The following MYT1L variants were observed in gnomAD, a reference collection of about 807,000 sequenced individuals.
MYT1L encodes the protein myelin transcription factor 1 like, also known as myelin transcription factor 1-like protein.
A neutral mutation model predicts 126.7 loss-of-function variants in MYT1L; 12 were observed. The ratio of observed to expected loss-of-function variants is 0.09; its 90% CI spans 0.06 to 0.15. The LOEUF (loss-of-function observed/expected upper bound fraction) is 0.15. Ranked by LOEUF, MYT1L falls within the 10% of genes least tolerant of loss-of-function variation. MYT1L has a pLI of 1.00. For synonymous variants in MYT1L, 541 were observed against 604.2 expected (o/e 0.90, Z 1.53); for missense variants, 979 against 1,585.2 (o/e 0.62, Z 6.49).
At chr2:1,921,804 G>GA (rs764355202) in intron 10 of MYT1L, among the ~76,000 whole-genome samples, 12 of 152,212 alleles carry the variant, frequency 7.9e-5, no homozygotes, top group Non-Finnish European at 1.3e-4. Flanking sequence ...TGTTTTCTAC[G>GA]AGGGCAGTTT....
At chr2:2,243,577 A>T (rs2094476821) in intron 2 of MYT1L, among the ~76,000 whole-genome samples, 1 of 152,170 alleles carries the variant, frequency 6.6e-6, no homozygotes, top group South Asian at 2.1e-4. Flanking sequence ...TAGACTTTTG[A>T]CCTTGCATGT....
At chr2:1,944,652 A>G (rs1273464247) in intron 8 of MYT1L, among the ~76,000 whole-genome samples, 1 of 151,898 alleles carries the variant, frequency 6.6e-6, no homozygotes, top group African/African-American at 2.4e-5. Flanking sequence ...TATTTGGGCA[A>G]CTCCTCTATT....
At chr2:2,144,922 T>C (rs2084648081) in intron 3 of MYT1L, among the ~76,000 whole-genome samples, 1 of 152,238 alleles carries the variant, frequency 6.6e-6, no homozygotes, top group South Asian at 2.1e-4. Flanking sequence ...TATATCATTA[T>C]TCTTATAAAT....
At chr2:2,317,418 C>T (rs1462966318) in intron 1 of MYT1L, among the ~76,000 whole-genome samples, 2 of 151,896 alleles carry the variant, frequency 1.3e-5, no homozygotes, top group African/African-American at 4.8e-5. Context: ...AACTGGGACT[C>T]CCTCACTTTA....
intron 13 of MYT1L, among the ~76,000 whole-genome samples, chr2:1,906,849 A>G (rs2051121938): frequency 6.6e-6 from 1 of 151,938 alleles, no homozygotes; most frequent in Non-Finnish European, 1.5e-5. Flanking sequence ...AGGCTGAGCC[A>G]GGAGGATCAC....
rs567779792 is a variant in MYT1L, at chr2:2,230,391, G to A, written c.-421+54013C>T. ...ATTTCTGAAAGTAATTCATTAGGAT[G>A]TATGCTAAGTAATATGTGACGCCTG... On this transcript the variant is annotated intron_variant, in intron 2 of 24. Coordinates refer to ENST00000647738, the MANE Select transcript of MYT1L (RefSeq NM_001303052.2). Among the ~76,000 whole-genome samples the A allele has an allele frequency of 2.0e-5, 3 of 152,322 alleles. No individual in the cohort carries two copies. The South Asian group carries it at 6.2e-4, about 32-fold the overall frequency.
At chr2:2,297,662 C>A (rs907300294) in intron 1 of MYT1L, among the ~76,000 whole-genome samples, 1 of 152,190 alleles carries the variant, frequency 6.6e-6, no homozygotes, top group African/African-American at 2.4e-5. Flanking sequence ...CAAAGGCATT[C>A]ACTCCAGAAG....
chr2:2,195,484 A>C (rs901290659), intron 2 of MYT1L, among the ~76,000 whole-genome samples: 2 of 152,204 alleles, frequency 1.3e-5, no homozygotes, highest in Non-Finnish European at 2.9e-5. Flanking sequence ...AAGATAATAT[A>C]ATACAGAGGC....
chr2:2,165,580 T>C (rs2088926346), intron 3 of MYT1L, among the ~76,000 whole-genome samples: 2 of 152,212 alleles, frequency 1.3e-5, no homozygotes, highest in Non-Finnish European at 2.9e-5. Context: ...ACTGTCCATA[T>C]GTCCTTTATA....
chr2:2,077,533 C>A (rs1190465164), intron 3 of MYT1L, among the ~76,000 whole-genome samples: 1 of 152,018 alleles, frequency 6.6e-6, no homozygotes, highest in Non-Finnish European at 1.5e-5. Context: ...TAATTCAAAG[C>A]CACAAATAAT....
At chr2:2,065,473 AT>A (rs1218647482) in intron 3 of MYT1L, among the ~76,000 whole-genome samples, 8 of 152,274 alleles carry the variant, frequency 5.3e-5, no homozygotes, top group Middle Eastern at 6.8e-3. Context: ...CTTTGATTAA[AT>A]TGATCAGCTG....
At chr2:2,310,608 A>G (rs2095951383) in intron 1 of MYT1L, among the ~76,000 whole-genome samples, 5 of 152,184 alleles carry the variant, frequency 3.3e-5, no homozygotes, top group Admixed American at 3.3e-4. Context: ...GTTTTCTTCA[A>G]AGATTATTTT....
chr2:2,103,019 G>GC (rs1385359098), intron 3 of MYT1L, among the ~76,000 whole-genome samples: 1 of 152,092 alleles, frequency 6.6e-6, no homozygotes, highest in Non-Finnish European at 1.5e-5. Context: ...CGTGTATTTA[G>GC]CGCTAATTGA....
At chr2:2,044,553 C>T (rs1192871458) in intron 4 of MYT1L, among the ~76,000 whole-genome samples, 4 of 152,176 alleles carry the variant, frequency 2.6e-5, no homozygotes, top group African/African-American at 9.7e-5. Context: ...AGAGTCTCTC[C>T]TCTTAGATGC....
chr2:2,319,690 C>G (rs1430085145), intron 1 of MYT1L, among the ~76,000 whole-genome samples: 1 of 151,918 alleles, frequency 6.6e-6, no homozygotes. Context: ...ATGCTTTAAT[C>G]TATTTCAAAA....
chr2:2,106,212 A>C (rs945765483), intron 3 of MYT1L, among the ~76,000 whole-genome samples: 1 of 152,234 alleles, frequency 6.6e-6, no homozygotes, highest in Non-Finnish European at 1.5e-5. Flanking sequence ...AAATAAAGAT[A>C]ATATGTTAGA....
chr2:2,327,540 A>G (rs1009380427), intron 1 of MYT1L, among the ~76,000 whole-genome samples: 8 of 152,226 alleles, frequency 5.3e-5, no homozygotes, highest in Non-Finnish European at 1.0e-4. Context: ...CATTGCGCTC[A>G]AATTACGCTA....
At position 1,929,517 on chromosome 2, in the gene MYT1L, C is replaced by T. The variant is rs187605093; in HGVS notation, c.506-6254G>A. ...GGCTCCGCTCTAGCCATCACCGTCACGCTTCCCTACTACATCTAACTCAGC... is the reference window on the plus strand; with the variant it reads ...GGCTCCGCTCTAGCCATCACCGTCATGCTTCCCTACTACATCTAACTCAGC... On this transcript the variant is annotated intron_variant, in intron 9 of 24. Transcript: ENST00000647738. The surrounding 1 kb of genome is among the most constrained non-coding windows in gnomAD (Gnocchi z 4.7). Among the ~76,000 whole-genome samples the T allele has an allele frequency of 1.3e-3, 192 of 152,324 alleles. No homozygotes were observed. The highest frequency in any genetic ancestry group is 4.2e-3 in the African/African-American group (176 of 41,584).
intron 21 of MYT1L, among the ~76,000 whole-genome samples, chr2:1,829,043 G>A (rs2039751096): frequency 1.3e-5 from 2 of 152,150 alleles, no homozygotes; most frequent in Non-Finnish European, 2.9e-5. Context: ...CTCAACAGCT[G>A]CAGAGGAACC....
Sources: allele counts gnomAD v4.1 joint callset (sites outside exome capture counted in the v4.1 genomes callset), GRCh38; gene constraint gnomAD v4.1.1; non-coding constraint Gnocchi (gnomAD v3.1); transcripts MANE v1.5; gene names NCBI Gene and HGNC (gene_info 2026-07-23, HGNC 2026-07-21).